The following HMGB1 variants were observed in gnomAD, a reference collection of about 807,000 sequenced individuals.
HMGB1 encodes the protein high mobility group protein B1.
For synonymous variants in HMGB1, 81 were observed against 84.0 expected, an observed-to-expected ratio of 0.96 and a Z score of 0.19; for missense variants, 79 against 253.5, an observed-to-expected ratio of 0.31 and a Z score of 4.67.
chr13:30,558,705 A>C (rs1343069680), intron 1 of HMGB1, among the ~76,000 whole-genome samples: 1 of 152,176 alleles, frequency 6.6e-6, no homozygotes, highest in African/African-American at 2.4e-5. Flanking sequence ...AGTGTCCCCC[A>C]GATACTGCAA....
chr13:30,570,826 C>G (rs1870394098), intron 1 of HMGB1, among the ~76,000 whole-genome samples: 1 of 152,190 alleles, frequency 6.6e-6, no homozygotes, highest in South Asian at 2.1e-4. Flanking sequence ...GGGCCACACT[C>G]CATAGAGATG....
intron 1 of HMGB1, among the ~76,000 whole-genome samples, chr13:30,488,673 T>C (rs1887418806): frequency 6.9e-6 from 1 of 144,886 alleles, no homozygotes; most frequent in Admixed American, 7.0e-5. Context: ...ATTATTATTA[T>C]TATTATTATT....
chr13:30,502,648 A>AT (rs141484915), intron 1 of HMGB1, among the ~76,000 whole-genome samples: 103 of 146,348 alleles, frequency 7.0e-4, no homozygotes, highest in South Asian at 2.8e-3. Context: ...ACTTTATTTT[A>AT]TTTATTTTAT....
intron 1 of HMGB1, among the ~76,000 whole-genome samples, chr13:30,575,866 T>C (rs1434609426): frequency 1.3e-5 from 2 of 152,132 alleles, no homozygotes; most frequent in African/African-American, 2.4e-5. Context: ...AGTAAGCCAC[T>C]GCACTCAGCC....
chr13:30,549,052 C>T (rs1869296094), intron 1 of HMGB1, among the ~76,000 whole-genome samples: 1 of 152,182 alleles, frequency 6.6e-6, no homozygotes, highest in South Asian at 2.1e-4. Flanking sequence ...AATCTCAACA[C>T]TTTGGGAGGC....
chr13:30,481,940 C>T (rs904616807), intron 1 of HMGB1, among the ~76,000 whole-genome samples: 4 of 152,166 alleles, frequency 2.6e-5, no homozygotes, highest in African/African-American at 7.2e-5. Flanking sequence ...AGCGATTCTC[C>T]TGCCTCAGCC....
intron 1 of HMGB1, among the ~76,000 whole-genome samples, chr13:30,557,290 T>C (rs565812776): frequency 1.3e-5 from 2 of 152,328 alleles, no homozygotes; most frequent in South Asian, 2.1e-4. Flanking sequence ...AAGTTCTAAC[T>C]GAAATAAGGT....
At chr13:30,479,903 C>T (rs1405605345) in intron 1 of HMGB1, among the ~76,000 whole-genome samples, 2 of 152,218 alleles carry the variant, frequency 1.3e-5, no homozygotes, top group African/African-American at 2.4e-5. Flanking sequence ...TGTTTTCTTC[C>T]AAATTAACTA....
intron 1 of HMGB1, among the ~76,000 whole-genome samples, chr13:30,607,966 A>C (rs1455909614): frequency 2.6e-5 from 4 of 152,142 alleles, no homozygotes; most frequent in Non-Finnish European, 5.9e-5. Context: ...CCTCCAATGA[A>C]TCCTTCACCT....
chr13:30,471,639 GC>G (rs1416550017), intron 1 of HMGB1, among the ~76,000 whole-genome samples: 1 of 120,664 alleles, frequency 8.3e-6, no homozygotes, highest in Non-Finnish European at 1.7e-5. Context: ...ACAGGCATGA[GC>G]CACCGTGCCC....
At chr13:30,465,045 T>G in intron 1 of HMGB1, 53 of 471,646 alleles carry the variant, frequency 1.1e-4, no homozygotes, top group South Asian at 1.9e-4. Context: ...CGCGGGGCTG[T>G]GAAAAGAGAG....
rs59654057 is a variant in HMGB1 at position 30,529,028 on chromosome 13, C to CAAAAAAA, written c.-14-65341_-14-65335dup. Among the ~76,000 whole-genome samples, 51 of 53,544 alleles carry CAAAAAAA rather than the reference C, an allele frequency of 9.5e-4. 5 individuals are homozygous for CAAAAAAA. Among genetic ancestry groups the CAAAAAAA allele is most frequent in the African/African-American group, 3.4e-3 (49 of 14,292 alleles). 35.1% of individuals were successfully genotyped at this position (53,544 alleles called of 152,430 possible). On this transcript the variant is annotated intron_variant, in intron 1 of 4. Coordinates refer to the HMGB1 transcript ENST00000405805. ...TGGGCGACAGGGCGAGACTGCGTCT[C>CAAAAAAA]AAAAAAAAAAAAAAAAAAAAAAAAA...
intron 1 of HMGB1, among the ~76,000 whole-genome samples, chr13:30,584,169 A>G (rs530882491): frequency 6.6e-6 from 1 of 152,254 alleles, no homozygotes; most frequent in Non-Finnish European, 1.5e-5. Context: ...CAAGGCTCAA[A>G]TAATCTCATG....
chr13:30,531,557 T>TG lies in HMGB1; in HGVS notation c.-14-67864_-14-67863insC, dbSNP rs1173116230. Among the ~76,000 whole-genome samples, 11 of 144,748 alleles carry TG rather than the reference T, an allele frequency of 7.6e-5. No homozygotes were observed. In the Admixed American group the frequency reaches 7.7e-4, roughly 10 times the overall value. The allele number at this position is 144,748 out of a possible 152,430, so 95.0% of individuals were successfully genotyped here. On this transcript the variant is annotated intron_variant, in intron 1 of 4. Transcript: ENST00000405805. ...GTGTGTGTGTGTGTGTGTGTGTGTG[T>TG]TTTCAGCGAAATTTTTTTCCTGAAT...
chr13:30,548,651 G>T (rs568659807), intron 1 of HMGB1, among the ~76,000 whole-genome samples: 13 of 152,278 alleles, frequency 8.5e-5, no homozygotes, highest in African/African-American at 3.1e-4. Flanking sequence ...TCTCTGCCCA[G>T]AATTATGCTT....
chr13:30,555,689 C>T (rs1283779942), intron 1 of HMGB1, among the ~76,000 whole-genome samples: 1 of 152,156 alleles, frequency 6.6e-6, no homozygotes, highest in Non-Finnish European at 1.5e-5. Flanking sequence ...AATATATTGT[C>T]TAAATTTCAG....
At chr13:30,482,332 G>A (rs1211278700) in intron 1 of HMGB1, among the ~76,000 whole-genome samples, 5 of 152,132 alleles carry the variant, frequency 3.3e-5, no homozygotes. Context: ...AAAAGCAACA[G>A]GGAGATCAAG....
intron 1 of HMGB1, among the ~76,000 whole-genome samples, chr13:30,475,456 G>C (rs1448433890): frequency 1.3e-5 from 2 of 150,446 alleles, no homozygotes; most frequent in African/African-American, 4.9e-5. Flanking sequence ...CAAGTGATCT[G>C]CCTGTCTCAG....
In HMGB1 at chr13:30,599,949, T is replaced by C. The variant is rs534719342; in HGVS notation, c.-15+16722A>G. On this transcript the variant is annotated intron_variant, in intron 1 of 4. Transcript: ENST00000405805. ...TGCATCTGTGCTCATCTAAATGTCA[T>C]ACCCAAATGAAATAATATAGCATGA... is the stretch of plus-strand genomic sequence containing the variant. Among the ~76,000 whole-genome samples the C allele has an allele frequency of 5.3e-5, 8 of 152,340 alleles. No individual in the cohort carries two copies. In the South Asian group the frequency reaches 1.7e-3, roughly 32 times the overall value.
Sources: allele counts gnomAD v4.1 joint callset (sites outside exome capture counted in the v4.1 genomes callset), GRCh38; gene constraint gnomAD v4.1.1; transcripts MANE v1.5; gene names NCBI Gene and HGNC (gene_info 2026-07-23, HGNC 2026-07-21).